Variants in UBE3A observed in about 807,000 individuals in gnomAD.
UBE3A encodes ubiquitin protein ligase E3A, also known as ubiquitin-protein ligase E3A.
Under a neutral mutation model 83.4 loss-of-function variants are expected in UBE3A, and 6 were observed. The ratio of observed to expected loss-of-function variants is 0.07; its 90% CI spans 0.04 to 0.14. The LOEUF is 0.14. UBE3A is among the 10% of genes least tolerant of loss of function. UBE3A has a pLI of 1.00. For missense variants in UBE3A, 456 were observed against 1,036.1 expected, an observed-to-expected ratio of 0.44 and a Z score of 7.69; for synonymous variants, 337 against 355.4, an observed-to-expected ratio of 0.95 and a Z score of 0.58.
Position 25,354,582 on chromosome 15 carries a change from G to C in UBE3A, c.2226C>G (p.Pro742=), listed in dbSNP as rs1555389825. ...CTTCTGGTCTGAATAAGTACTTTAA[G>C]GGAGATTCATTGGTCACCATATGAA... ...RGFHMVTNES[P]LKYLFRPEEI... The change falls in exon 10 of 13, where the codon CCC becomes CCG. Residue 742 remains proline, a synonymous_variant. Coordinates refer to ENST00000648336, the MANE Select transcript of UBE3A (RefSeq NM_130839.5). 6.2e-7 allele frequency: 1 copy of C among 1,613,800 alleles called. No individual in the cohort carries two copies. Among genetic ancestry groups the C allele is most frequent in the Non-Finnish European group, 8.5e-7 (1 of 1,179,922 alleles).
At chr15:25,435,966 G>A (rs2153191491) in intron 1 of UBE3A, among the ~76,000 whole-genome samples, 1 of 152,264 alleles carries the variant, frequency 6.6e-6, no homozygotes, top group South Asian at 2.1e-4. Context: ...TACGTGTTAG[G>A]CGTTTTACAT....
chr15:25,352,344 A>G (rs1312357668), intron 11 of UBE3A, among the ~76,000 whole-genome samples: 2 of 152,226 alleles, frequency 1.3e-5, no homozygotes, highest in Non-Finnish European at 2.9e-5. Context: ...CAAAATATCT[A>G]TACAGGCATA....
chr15:25,414,450 T>C (rs892725053), intron 1 of UBE3A, among the ~76,000 whole-genome samples: 1 of 152,140 alleles, frequency 6.6e-6, no homozygotes, highest in Non-Finnish European at 1.5e-5. Flanking sequence ...CACAATTAAT[T>C]ATGCAATAAC....
chr15:25,383,168 A>C (rs999390399), intron 4 of UBE3A, among the ~76,000 whole-genome samples: 3 of 152,256 alleles, frequency 2.0e-5, no homozygotes, highest in Non-Finnish European at 4.4e-5. Context: ...AACAGAATTC[A>C]ACAATGCATT....
chr15:25,399,592 A>C (rs8042829), intron 4 of UBE3A, among the ~76,000 whole-genome samples: 18,102 of 152,092 alleles, frequency 0.12, 1,155 homozygotes, highest in Middle Eastern at 0.23. Flanking sequence ...TTTAAAAGAC[A>C]GGGTCTCACG....
At chr15:25,411,801 A>G (rs1460259014) in intron 2 of UBE3A, 107 bp downstream of exon 2, 1 of 152,162 alleles carries the variant, frequency 6.6e-6, no homozygotes, top group Non-Finnish European at 1.5e-5. Context: ...ACCTGACACA[A>G]TGCTTTAAAA....
intron 1 of UBE3A, among the ~76,000 whole-genome samples, chr15:25,428,144 TA>T (rs1891965398): frequency 6.6e-6 from 1 of 152,044 alleles, no homozygotes; most frequent in Admixed American, 6.5e-5. Flanking sequence ...ACTGTACACT[TA>T]AAAAACTGTA....
intron 12 of UBE3A, 190 bp downstream of exon 12, chr15:25,339,895 A>C (rs1427012998): frequency 1.4e-6 from 1 of 697,646 alleles, no homozygotes; most frequent in Non-Finnish European, 2.4e-6. Context: ...ATAATTTTTA[A>C]CTAGGGCAAT....
intron 1 of UBE3A, among the ~76,000 whole-genome samples, chr15:25,432,656 C>T (rs932496066): frequency 6.6e-6 from 1 of 152,168 alleles, no homozygotes; most frequent in Admixed American, 6.5e-5. Context: ...AAAGTCTGTG[C>T]TAGACTAACC....
At chr15:25,367,314 T>C (rs970199803) in intron 6 of UBE3A, among the ~76,000 whole-genome samples, 2 of 140,208 alleles carry the variant, frequency 1.4e-5, no homozygotes, top group African/African-American at 3.0e-5. Context: ...TAAATTAAAT[T>C]ACATATTTAT....
chr15:25,358,713 A>G (rs2077585671), intron 7 of UBE3A, among the ~76,000 whole-genome samples: 1 of 152,208 alleles, frequency 6.6e-6, no homozygotes, highest in Non-Finnish European at 1.5e-5. Context: ...GAGCTTTAAC[A>G]TGTTTCCTTG....
chr15:25,345,707 A>G (rs1352346886), intron 11 of UBE3A: 1 of 152,224 alleles, frequency 6.6e-6, no homozygotes, highest in Non-Finnish European at 1.5e-5. Flanking sequence ...ATATGCAAAT[A>G]AAACATGAAA....
chr15:25,405,519 A>G lies in UBE3A; in HGVS notation c.21-17T>C. 6.2e-7 allele frequency: 1 copy of G among 1,613,596 alleles called. No individual in the cohort carries two copies. The highest frequency in any genetic ancestry group is 8.5e-7 in the Non-Finnish European group (1 of 1,179,710). ...TCTCCTGATCTGTAAAATGCAATTG[A>G]GAAACAGTTAGCAAAATATTCCATA... On this transcript the variant is annotated splice_polypyrimidine_tract_variant and intron_variant, in intron 3 of 12. Coordinates refer to ENST00000648336, the MANE Select transcript of UBE3A (RefSeq NM_130839.5).
chr15:25,412,126 G>A (rs865801453), intron 1 of UBE3A, among the ~76,000 whole-genome samples, 155 bp from the exon 2 acceptor site: 6 of 152,022 alleles, frequency 3.9e-5, no homozygotes, highest in African/African-American at 9.7e-5. Flanking sequence ...TGCTGTTGCC[G>A]GGATGAGGAA....
At position 25,356,074 on chromosome 15, in the gene UBE3A, T is replaced by C. The variant is rs1400532560; in HGVS notation, c.1960-18A>G. On this transcript the variant is annotated intron_variant, in intron 8 of 12. Transcript: ENST00000648336. Reference sequence around the variant, plus strand: ...TATAGAACCTAGCAACCAGAAATGGTAAATTGAGGCCACCATAGAACTACA... The same window carrying C: ...TATAGAACCTAGCAACCAGAAATGGCAAATTGAGGCCACCATAGAACTACA... 3.1e-6 allele frequency: 5 copies of C among 1,613,114 alleles called. No homozygotes were observed. Among genetic ancestry groups the C allele is most frequent in the Non-Finnish European group, 4.2e-6 (5 of 1,179,462 alleles).
intron 2 of UBE3A, among the ~76,000 whole-genome samples, chr15:25,410,859 C>T: frequency 6.6e-6 from 1 of 152,182 alleles, no homozygotes; most frequent in East Asian, 1.9e-4. Context: ...ACACCACCTT[C>T]CCTAAAATAA....
chr15:25,342,641 A>T (rs1595413586), intron 11 of UBE3A, among the ~76,000 whole-genome samples: 1 of 116,800 alleles, frequency 8.6e-6, no homozygotes, highest in African/African-American at 3.2e-5. Context: ...AGGGGAAAAT[A>T]AAAAAAAAAC....
intron 7 of UBE3A, 47 bp from the exon 8 acceptor site, chr15:25,356,943 A>G (rs2077292652): frequency 1.4e-6 from 2 of 1,456,056 alleles, no homozygotes; most frequent in South Asian, 2.3e-5. Context: ...TATTTTATTA[A>G]GGACTGATGA....
At chr15:25,434,712 T>C (rs1275555268) in intron 1 of UBE3A, among the ~76,000 whole-genome samples, 2 of 152,176 alleles carry the variant, frequency 1.3e-5, no homozygotes, top group Admixed American at 6.5e-5. Flanking sequence ...CATGTGCCAA[T>C]GTGTGCAGAG....
Sources: gnomAD v4.1 joint callset for allele counts (sites outside exome capture counted in the v4.1 genomes callset) on GRCh38, gnomAD v4.1.1 for gene constraint, MANE v1.5 for transcripts, NCBI Gene and HGNC (gene_info 2026-07-23, HGNC 2026-07-21) for gene names.